Variants in RORA observed in about 807,000 individuals in gnomAD.
RORA encodes the protein RAR related orphan receptor A, also known as nuclear receptor ROR-alpha.
In RORA, 7 loss-of-function variants were observed where a neutral mutation model predicts 69.5. That is an observed-to-expected ratio of 0.10 (90% CI 0.06 to 0.19). The LOEUF (loss-of-function observed/expected upper bound fraction) is 0.19. RORA is among the 10% of genes least tolerant of loss of function. The pLI is 1.00. For synonymous variants in RORA, 261 were observed against 240.8 expected (o/e 1.08, Z -0.78); for missense variants, 457 against 663.0 (o/e 0.69, Z 3.41).
chr15:60,909,283 C>T (rs7496875), intron 1 of RORA, among the ~76,000 whole-genome samples: 1 of 152,214 alleles, frequency 6.6e-6, no homozygotes, highest in Admixed American at 6.5e-5. Flanking sequence ...CAGCCACAGA[C>T]TCCCAGCTGA....
intron 1 of RORA, among the ~76,000 whole-genome samples, chr15:60,995,240 C>A (rs1249680832): frequency 6.6e-6 from 1 of 152,016 alleles, no homozygotes; most frequent in Non-Finnish European, 1.5e-5. Context: ...GCAGCTGGCT[C>A]CCTGACAAAT....
intron 2 of RORA, among the ~76,000 whole-genome samples, chr15:60,662,649 C>CT (rs1228038067): frequency 0.035 from 151 of 4,342 alleles, no homozygotes; most frequent in African/African-American, 0.051. Flanking sequence ...CAGAAAAAAA[C>CT]ATTTTTTTTT....
At chr15:60,647,771 A>G (rs2070075262) in intron 2 of RORA, among the ~76,000 whole-genome samples, 1 of 152,236 alleles carries the variant, frequency 6.6e-6, no homozygotes, top group Non-Finnish European at 1.5e-5. Context: ...AGAAAAGTAC[A>G]CATCAGAGGA....
intron 1 of RORA, among the ~76,000 whole-genome samples, chr15:60,955,971 G>C (rs930017079): frequency 1.3e-5 from 2 of 152,198 alleles, no homozygotes; most frequent in African/African-American, 4.8e-5. Flanking sequence ...ATTGAAAACA[G>C]TTAGAAAATA....
chr15:60,742,116 T>G (rs369982041), intron 1 of RORA, among the ~76,000 whole-genome samples: 1 of 152,306 alleles, frequency 6.6e-6, no homozygotes, highest in East Asian at 1.9e-4. Context: ...TCTATATGTA[T>G]AGATAGATAT....
intron 1 of RORA, among the ~76,000 whole-genome samples, chr15:61,077,242 G>A (rs375478077): frequency 3.7e-4 from 56 of 152,098 alleles, no homozygotes; most frequent in African/African-American, 1.3e-3. Context: ...CAAGGAAAGG[G>A]TAGTGAGGGG....
chr15:61,022,243 C>G (rs1202168688), intron 1 of RORA, among the ~76,000 whole-genome samples: 2 of 152,152 alleles, frequency 1.3e-5, no homozygotes, highest in African/African-American at 2.4e-5. Context: ...GTGTTTGGGA[C>G]CACTGAGTGA....
At chr15:61,218,458 G>A (rs2080062582) in intron 1 of RORA, among the ~76,000 whole-genome samples, 1 of 151,942 alleles carries the variant, frequency 6.6e-6, no homozygotes. Flanking sequence ...TCCTTCAAAG[G>A]ATCCCAAGTT....
intron 2 of RORA, among the ~76,000 whole-genome samples, chr15:60,611,881 C>T (rs1297654500): frequency 2.6e-5 from 4 of 152,210 alleles, no homozygotes; most frequent in African/African-American, 9.6e-5. Flanking sequence ...AATCCTGTCA[C>T]GCAGCGGAAG....
At chr15:60,832,376 C>A (rs1389350170) in intron 1 of RORA, among the ~76,000 whole-genome samples, 1 of 152,112 alleles carries the variant, frequency 6.6e-6, no homozygotes, top group Non-Finnish European at 1.5e-5. Flanking sequence ...ATATTAGTCA[C>A]CTACCTCCCC....
At chr15:60,892,318 A>C (rs1220312223) in intron 1 of RORA, among the ~76,000 whole-genome samples, 2 of 152,240 alleles carry the variant, frequency 1.3e-5, no homozygotes, top group African/African-American at 4.8e-5. Flanking sequence ...AAAGATTCTA[A>C]ATCAGGAATA....
At chr15:61,016,783 G>A (rs571080218) in intron 1 of RORA, among the ~76,000 whole-genome samples, 2 of 152,154 alleles carry the variant, frequency 1.3e-5, no homozygotes, top group African/African-American at 2.4e-5. Flanking sequence ...AATGTGCCTC[G>A]TTGGACACAG....
chr15:60,687,933 C>G (rs1039858417), intron 1 of RORA, among the ~76,000 whole-genome samples: 9 of 152,186 alleles, frequency 5.9e-5, no homozygotes, highest in African/African-American at 1.7e-4. Flanking sequence ...GATACTCTCT[C>G]CGATCCTCAG....
intron 1 of RORA, among the ~76,000 whole-genome samples, chr15:61,019,748 G>A (rs1008171121): frequency 2.6e-5 from 4 of 152,104 alleles, no homozygotes; most frequent in African/African-American, 9.7e-5. Flanking sequence ...TCTCCTCTGT[G>A]CCACTCTCCT....
chr15:61,078,862 C>T (rs1385934541), intron 1 of RORA, among the ~76,000 whole-genome samples: 1 of 152,150 alleles, frequency 6.6e-6, no homozygotes, highest in Non-Finnish European at 1.5e-5. Context: ...ATGTCTGCCA[C>T]ATATTGGACA....
At chr15:60,762,983 A>G (rs1007117690) in intron 1 of RORA, among the ~76,000 whole-genome samples, 1 of 151,932 alleles carries the variant, frequency 6.6e-6, no homozygotes, top group African/African-American at 2.4e-5. Flanking sequence ...CCATATTCAT[A>G]AACAAAAATG....
intron 1 of RORA, among the ~76,000 whole-genome samples, chr15:61,070,812 T>G (rs1318447266): frequency 6.6e-6 from 1 of 152,180 alleles, no homozygotes; most frequent in Non-Finnish European, 1.5e-5. Context: ...AAACCATATT[T>G]ACTACATTAT....
intron 2 of RORA, chr15:60,592,769 TC>T: frequency 1.1e-6 from 1 of 896,272 alleles, no homozygotes; most frequent in Non-Finnish European, 1.5e-6. Flanking sequence ...CCCCGGGCCC[TC>T]GCCCGGGCGC....
At chr15:60,787,615 G>C (rs1299272399) in intron 1 of RORA, among the ~76,000 whole-genome samples, 1 of 152,218 alleles carries the variant, frequency 6.6e-6, no homozygotes, top group Non-Finnish European at 1.5e-5. Context: ...GCCAGGCCCT[G>C]TGAGAGATAC....
Sources: gnomAD v4.1 joint callset for allele counts (sites outside exome capture counted in the v4.1 genomes callset) on GRCh38, gnomAD v4.1.1 for gene constraint, MANE v1.5 for transcripts, NCBI Gene and HGNC (gene_info 2026-07-23, HGNC 2026-07-21) for gene names.